Variants in DCC observed in about 807,000 individuals in gnomAD.
DCC encodes DCC netrin 1 receptor, also known as netrin receptor DCC.
DCC carries 58 observed loss-of-function variants against 172.5 expected under a neutral mutation model. That is an observed-to-expected ratio of 0.34 (90% CI 0.27 to 0.42). The LOEUF (loss-of-function observed/expected upper bound fraction) is 0.42, where lower values mean the gene tolerates loss of function less well. Among genes scored for constraint, DCC ranks in the 10% least tolerant of loss-of-function variants. DCC has a pLI of 1.00. For synonymous variants in DCC, 709 were observed against 644.5 expected (o/e 1.10, Z -1.52); for missense variants, 1,740 against 1,791.0 (o/e 0.97, Z 0.51).
intron 2 of DCC, among the ~76,000 whole-genome samples, chr18:52,760,331 A>C (rs771160814): frequency 6.6e-6 from 1 of 152,198 alleles, no homozygotes; most frequent in African/African-American, 2.4e-5. Flanking sequence ...CCCATGGCTC[A>C]ATCACCTCCC....
chr18:52,683,920 T>C (rs571787736), intron 1 of DCC, among the ~76,000 whole-genome samples: 38 of 152,254 alleles, frequency 2.5e-4, no homozygotes, highest in African/African-American at 7.7e-4. Context: ...ATGCAAATCA[T>C]ATGGATGCAT....
intron 7 of DCC, among the ~76,000 whole-genome samples, chr18:53,076,677 T>C (rs577574970): frequency 9.2e-5 from 14 of 152,254 alleles, no homozygotes; most frequent in African/African-American, 3.4e-4. Flanking sequence ...GCCCTGAGAA[T>C]AGGAAAAGCA....
chr18:53,343,138 T>G (rs1460924208), intron 15 of DCC, among the ~76,000 whole-genome samples: 1 of 151,824 alleles, frequency 6.6e-6, no homozygotes, highest in Non-Finnish European at 1.5e-5. Flanking sequence ...ATATTTAGTT[T>G]CTGATCTCTG....
intron 26 of DCC, among the ~76,000 whole-genome samples, chr18:53,494,241 C>T (rs2045992485): frequency 6.6e-6 from 1 of 152,222 alleles, no homozygotes; most frequent in African/African-American, 2.4e-5. Context: ...GTTTTACCTC[C>T]AATTATATGG....
chr18:53,010,706 C>A (rs964900847), intron 5 of DCC, among the ~76,000 whole-genome samples: 2 of 150,310 alleles, frequency 1.3e-5, no homozygotes, highest in Admixed American at 1.3e-4. Context: ...TATTTATATA[C>A]CCAAATAATT....
intron 19 of DCC, among the ~76,000 whole-genome samples, chr18:53,404,641 G>T (rs2145041621): frequency 6.6e-6 from 1 of 152,088 alleles, no homozygotes; most frequent in Non-Finnish European, 1.5e-5. Context: ...TGAGGCAGGA[G>T]AATAGCATGA....
intron 7 of DCC, among the ~76,000 whole-genome samples, chr18:53,157,101 A>T (rs182199348): frequency 6.3e-4 from 96 of 152,266 alleles, no homozygotes; most frequent in African/African-American, 2.1e-3. Flanking sequence ...ATTGTCATAG[A>T]TCCCATGGGT....
intron 2 of DCC, among the ~76,000 whole-genome samples, chr18:52,867,047 A>G (rs1387000980): frequency 6.6e-6 from 1 of 152,342 alleles, no homozygotes; most frequent in South Asian, 2.1e-4. Flanking sequence ...ATTTTGAGAT[A>G]CATTCCATCA....
At chr18:53,050,851 G>A (rs1166126189) in intron 5 of DCC, among the ~76,000 whole-genome samples, 3 of 152,086 alleles carry the variant, frequency 2.0e-5, no homozygotes, top group Non-Finnish European at 4.4e-5. Context: ...AATGCAAAAA[G>A]GAAAAGAGAT....
chr18:52,463,359 A>G (rs1988689413), intron 1 of DCC, among the ~76,000 whole-genome samples: 1 of 152,142 alleles, frequency 6.6e-6, no homozygotes. Flanking sequence ...ATTGGAAACA[A>G]TAAGACCAGA....
chr18:52,856,647 A>G (rs1267537134), intron 2 of DCC, among the ~76,000 whole-genome samples: 2 of 151,370 alleles, frequency 1.3e-5, no homozygotes, highest in Non-Finnish European at 2.9e-5. Flanking sequence ...AAAAAAAGAA[A>G]ACAAAATGGC....
chr18:53,300,958 A>ATTCTTTCTTTCT lies in DCC; in HGVS notation c.1912-4617_1912-4616insTTTCTTTCTTTC, dbSNP rs1436953257. Among the ~76,000 whole-genome samples the ATTCTTTCTTTCT allele has an allele frequency of 1.4e-3, 116 of 81,744 alleles. 12 individuals are homozygous for ATTCTTTCTTTCT. Among genetic ancestry groups the ATTCTTTCTTTCT allele is most frequent in the East Asian group, 0.012 (39 of 3,346 alleles). 53.6% of individuals were successfully genotyped at this position (81,744 alleles called of 152,430 possible). On this transcript the variant is annotated intron_variant, in intron 12 of 28. Coordinates refer to ENST00000442544, the MANE Select transcript of DCC (RefSeq NM_005215.4). ...ATCCATTATTTGACGTTGGTTCTGGATTCATTCTTTCTTTCTTTCTTTCTT... is the reference window on the plus strand; with the variant it reads ...ATCCATTATTTGACGTTGGTTCTGGATTCTTTCTTTCTTTCATTCTTTCTTTCTTTCTTTCTT...
intron 15 of DCC, among the ~76,000 whole-genome samples, chr18:53,346,679 C>T (rs2057729983): frequency 6.6e-6 from 1 of 152,034 alleles, no homozygotes; most frequent in South Asian, 2.1e-4. Flanking sequence ...TTCTATACTC[C>T]TTGCAAGTAT....
chr18:52,536,167 G>T (rs186601335), intron 1 of DCC, among the ~76,000 whole-genome samples: 1 of 152,180 alleles, frequency 6.6e-6, no homozygotes, highest in East Asian at 1.9e-4. Context: ...AGTGATATGT[G>T]GGGGGAAGGA....
intron 5 of DCC, among the ~76,000 whole-genome samples, chr18:53,003,506 T>C (rs538400935): frequency 1.4e-4 from 22 of 152,224 alleles, no homozygotes; most frequent in Admixed American, 5.2e-4. Flanking sequence ...CTCAGTGGTG[T>C]TCATGGGTTT....
intron 1 of DCC, among the ~76,000 whole-genome samples, chr18:52,478,619 C>T (rs554614858): frequency 6.6e-6 from 1 of 152,284 alleles, no homozygotes; most frequent in African/African-American, 2.4e-5. Context: ...GGCATCTGCT[C>T]AGCTTCTGGG....
chr18:52,957,513 T>G (rs1160969170), intron 5 of DCC, among the ~76,000 whole-genome samples: 1 of 152,126 alleles, frequency 6.6e-6, no homozygotes, highest in Non-Finnish European at 1.5e-5. Flanking sequence ...CTAAATACCA[T>G]CCACATAATT....
intron 1 of DCC, among the ~76,000 whole-genome samples, chr18:52,572,788 A>T (rs562281984): frequency 7.9e-5 from 12 of 152,016 alleles, no homozygotes; most frequent in Non-Finnish European, 1.6e-4. Flanking sequence ...GGGGAGGGAG[A>T]CTCCTTACAT....
At position 52,433,453 on chromosome 18, in the gene DCC, T is replaced by C. The variant is rs138966556; in HGVS notation, c.91+92575T>C. Among the ~76,000 whole-genome samples, 265 of 152,306 alleles carry C rather than the reference T, an allele frequency of 1.7e-3. 6 individuals carry two copies. The East Asian group carries it at 0.042, about 24-fold the overall frequency. On this transcript the variant is annotated intron_variant, in intron 1 of 28. Coordinates refer to ENST00000442544, the MANE Select transcript of DCC (RefSeq NM_005215.4). The stretch of plus-strand genomic sequence containing the variant: ...TTCTGGGACTAGAGTTTTGAGCTAA[T>C]TCAGTGCTCTTTATAATACATCAAG...
Sources: allele counts gnomAD v4.1 joint callset (sites outside exome capture counted in the v4.1 genomes callset), GRCh38; gene constraint gnomAD v4.1.1; transcripts MANE v1.5; gene names NCBI Gene and HGNC (gene_info 2026-07-23, HGNC 2026-07-21).